TENM1: variants seen among roughly 807,000 people sequenced by gnomAD.
TENM1 encodes the protein teneurin-1.
A neutral mutation model predicts 174.8 loss-of-function variants in TENM1; 35 were observed. The ratio of observed to expected loss-of-function variants is 0.20; its 90% CI spans 0.15 to 0.27. The LOEUF is 0.27. Among genes scored for constraint, TENM1 ranks in the 10% least tolerant of loss-of-function variants. The probability of loss-of-function intolerance (pLI) is 1.00; values close to 1 mark genes in which losing one functional copy is unlikely to be tolerated. For synonymous variants in TENM1, 781 were observed against 798.7 expected (o/e 0.98, Z 0.37); for missense variants, 1,633 against 2,130.1 (o/e 0.77, Z 4.59).
At chrX:124,795,633 G>GT (rs2055287415) in intron 3 of TENM1, among the ~76,000 whole-genome samples, 1 of 111,033 alleles carries the variant, frequency 9.0e-6, no homozygotes. Context: ...GAAGTAGTAA[G>GT]TTCAGTCACC....
At chrX:124,904,723 A>G (rs1396694477) in intron 1 of TENM1, among the ~76,000 whole-genome samples, 1 of 112,032 alleles carries the variant, frequency 8.9e-6, no homozygotes, top group African/African-American at 3.2e-5. Flanking sequence ...TCTACACTAT[A>G]CTTTTTGGCA....
the TENM1 span, among the ~76,000 whole-genome samples, chrX:125,078,089 C>T: frequency 9.0e-6 from 1 of 111,563 alleles, no homozygotes; most frequent in African/African-American, 3.2e-5. Flanking sequence ...TTGGCAGTGA[C>T]TAGAGAATTT....
At chrX:124,545,378 A>T (rs2048407216) in intron 15 of TENM1, among the ~76,000 whole-genome samples, 1 of 112,179 alleles carries the variant, frequency 8.9e-6, no homozygotes, top group South Asian at 3.7e-4. Context: ...CACTTTTCTA[A>T]GTTTATTGCT....
intron 1 of TENM1, among the ~76,000 whole-genome samples, chrX:124,911,289 C>T (rs771763640): frequency 1.8e-5 from 2 of 111,506 alleles, no homozygotes; most frequent in Admixed American, 1.9e-4. Context: ...TAAGCACTCA[C>T]GGAGCACCTA....
the TENM1 span, among the ~76,000 whole-genome samples, chrX:125,170,343 G>T: frequency 9.0e-6 from 1 of 111,381 alleles, no homozygotes; most frequent in Non-Finnish European, 1.9e-5. Flanking sequence ...ACCAGAAAGA[G>T]AAGTCTCCAT....
chrX:124,621,024 C>G (rs2050504990), intron 11 of TENM1, among the ~76,000 whole-genome samples: 1 of 111,808 alleles, frequency 8.9e-6, no homozygotes, highest in Non-Finnish European at 1.9e-5. Context: ...ATTATAGGCA[C>G]CTTCACCGTC....
chrX:124,749,362 G>A (rs1017306813), intron 3 of TENM1, among the ~76,000 whole-genome samples: 13 of 112,019 alleles, frequency 1.2e-4, no homozygotes, highest in African/African-American at 4.2e-4. Flanking sequence ...AGTATCCATT[G>A]CAATAACACC....
chrX:125,186,230 G>A, the TENM1 span, among the ~76,000 whole-genome samples: 1 of 111,234 alleles, frequency 9.0e-6, no homozygotes, highest in Non-Finnish European at 1.9e-5. Context: ...GGAAACTAAG[G>A]CCCAGAGAGA....
chrX:125,167,789 T>C, the TENM1 span, among the ~76,000 whole-genome samples: 3 of 111,389 alleles, frequency 2.7e-5, no homozygotes, highest in African/African-American at 9.8e-5. Flanking sequence ...TGATATGTAA[T>C]GCAACGACTA....
the TENM1 span, among the ~76,000 whole-genome samples, chrX:125,016,962 G>A: frequency 1.8e-5 from 2 of 111,900 alleles, no homozygotes; most frequent in Non-Finnish European, 3.8e-5. Flanking sequence ...AAGCAATGGG[G>A]AAAGGATTCC....
the TENM1 span, among the ~76,000 whole-genome samples, chrX:125,064,113 G>C: frequency 7.7e-4 from 75 of 97,050 alleles, no homozygotes; most frequent in African/African-American, 2.7e-3. Flanking sequence ...TGAACAATGA[G>C]AACACATGGA....
intron 5 of TENM1, among the ~76,000 whole-genome samples, chrX:124,676,897 C>T (rs1172701501): frequency 9.3e-6 from 1 of 107,554 alleles, no homozygotes; most frequent in Non-Finnish European, 1.9e-5. Flanking sequence ...CACAGGAATG[C>T]GTCAGAAGTA....
chrX:124,970,845 A>G, the TENM1 span, among the ~76,000 whole-genome samples: 1 of 111,021 alleles, frequency 9.0e-6, no homozygotes, highest in Admixed American at 9.6e-5. Flanking sequence ...ACGTATGTTC[A>G]TGGCGGCACT....
At chrX:125,031,015 A>G in the TENM1 span, among the ~76,000 whole-genome samples, 24 of 110,295 alleles carry the variant, frequency 2.2e-4, no homozygotes, top group South Asian at 9.3e-3. Flanking sequence ...TTTGTTACCT[A>G]GGTATATTGC....
chrX:124,770,646 C>A (rs990286329), intron 3 of TENM1, among the ~76,000 whole-genome samples: 1 of 110,068 alleles, frequency 9.1e-6, no homozygotes, highest in African/African-American at 3.3e-5. Flanking sequence ...TAGGCTCAAG[C>A]AATCCTCCCA....
chrX:124,546,805 A>G (rs1332747337), intron 15 of TENM1, 69 bp downstream of exon 18: 1 of 868,415 alleles, frequency 1.2e-6, no homozygotes, highest in Non-Finnish European at 1.7e-6. Context: ...CTTAGAAGAT[A>G]TCTTCCTTTC....
the TENM1 span, among the ~76,000 whole-genome samples, chrX:125,194,840 CA>C: frequency 4.5e-5 from 5 of 111,785 alleles, no homozygotes; most frequent in Non-Finnish European, 9.4e-5. Flanking sequence ...TGTGATTCTC[CA>C]TATTCTCTGA....
intron 3 of TENM1, among the ~76,000 whole-genome samples, chrX:124,891,059 G>A (rs374715822): frequency 2.2e-4 from 25 of 111,407 alleles, no homozygotes; most frequent in African/African-American, 8.2e-4. Context: ...AAAGACAAAC[G>A]TCATCTTCTT....
chrX:124,408,132 C>T (rs1211207229), intron 25 of TENM1, among the ~76,000 whole-genome samples: 1 of 109,942 alleles, frequency 9.1e-6, no homozygotes, highest in African/African-American at 3.4e-5. Context: ...AATATCCAGC[C>T]TTTTTTAAAA....
Sources: allele counts gnomAD v4.1 joint callset (sites outside exome capture counted in the v4.1 genomes callset), GRCh38; gene constraint gnomAD v4.1.1; transcripts MANE v1.5; gene names NCBI Gene and HGNC (gene_info 2026-07-23, HGNC 2026-07-21).